ZNF584: variants seen among roughly 807,000 people sequenced by gnomAD.
The protein encoded by ZNF584 is zinc finger protein 584.
ZNF584 carries 12 observed loss-of-function variants against 14.7 expected under a neutral mutation model. The ratio of observed to expected loss-of-function variants is 0.82; its 90% confidence interval spans 0.52 to 1.32. The LOEUF (loss-of-function observed/expected upper bound fraction) is 1.32, where lower values mean the gene tolerates loss of function less well. ZNF584 is among the 40% of genes most tolerant of loss of function. ZNF584 has a pLI of 0.00. For synonymous variants in ZNF584, 204 were observed against 190.9 expected (o/e 1.07, Z -0.57); for missense variants, 478 against 518.8 (o/e 0.92, Z 0.76).
At chr19:58,410,113 C>G in intron 2 of ZNF584, 22 bp downstream of exon 2, 8 of 1,582,124 alleles carry the variant, frequency 5.1e-6, no homozygotes, top group African/African-American at 1.4e-5. Flanking sequence ...ACACTGTCCC[C>G]CAGCACACTG....
At chr19:58,402,357 T>A (rs2052436915) in intron 1 of ZNF584, among the ~76,000 whole-genome samples, 1 of 152,198 alleles carries the variant, frequency 6.6e-6, no homozygotes, top group Non-Finnish European at 1.5e-5. Context: ...ACAAGCTACC[T>A]GTGATCTGTG....
intron 1 of ZNF584, among the ~76,000 whole-genome samples, chr19:58,403,298 A>G (rs1194464427): frequency 1.3e-5 from 2 of 152,226 alleles, no homozygotes; most frequent in Admixed American, 6.5e-5. Context: ...ATAAATGGCT[A>G]ATCTGTGTTA....
At chr19:58,411,107 G>C (rs1391688287) in intron 2 of ZNF584, among the ~76,000 whole-genome samples, 1 of 151,762 alleles carries the variant, frequency 6.6e-6, no homozygotes, top group African/African-American at 2.4e-5. Context: ...TACTTCTTTC[G>C]TTAAATTTAT....
At position 58,417,257 on chromosome 19, in the gene ZNF584, T is replaced by G; in HGVS notation, c.739T>G (p.Cys247Gly). 1 of 1,614,146 alleles carries G rather than the reference T, an allele frequency of 6.2e-7. No individual in the cohort carries two copies. The highest frequency in any genetic ancestry group is 8.5e-7 in the Non-Finnish European group (1 of 1,180,032). The change falls in exon 4 of 4, where the codon TGT (cysteine) becomes GGT (glycine). Residue 247 changes from cysteine to glycine, a missense_variant. Around this residue, in one of 3 missense-constraint regions of ZNF584, gnomAD observed 283 missense variants for 317.3 expected, o/e 0.89. Transcript: ENST00000306910. ...CATAAAACCTTTTAAGTGTAGTGAC[T>G]GTGGTAAAACCTTCAACCGCAAAGA... is the stretch of plus-strand genomic sequence containing the variant. Reference protein sequence around the residue: ...TGIKPFKCSDCGKTFNRKDAL... With the variant: ...TGIKPFKCSDGGKTFNRKDAL...
At chr19:58,404,533 A>C, upstream of ZNF584, 1 of 172,514 alleles carries the variant, frequency 5.8e-6, no homozygotes, top group South Asian at 9.4e-5. Flanking sequence ...CATGTTTCAG[A>C]GAGCACAGGG....
At chr19:58,410,573 GTATATA>G (rs1207335393) in intron 2 of ZNF584, among the ~76,000 whole-genome samples, 270 of 6,426 alleles carry the variant, frequency 0.042, 53 homozygotes, top group African/African-American at 0.17. Context: ...ATATATATAT[GTATATA>G]TATGTATATA....
chr19:58,408,123 T>G (rs1360449835), upstream of ZNF584: 1 of 152,342 alleles, frequency 6.6e-6, no homozygotes, highest in Non-Finnish European at 1.5e-5. Context: ...CTTTGAAGAC[T>G]TGCCTGATGA....
At chr19:58,410,147 C>G in intron 2 of ZNF584, 56 bp downstream of exon 2, 2 of 1,545,994 alleles carry the variant, frequency 1.3e-6, no homozygotes, top group South Asian at 2.5e-5. Flanking sequence ...TTTCCCCATG[C>G]GAAGTTCTGT....
intron 2 of ZNF584, among the ~76,000 whole-genome samples, chr19:58,412,100 G>A (rs866385294): frequency 4.1e-5 from 6 of 144,602 alleles, no homozygotes; most frequent in Non-Finnish European, 7.5e-5. Context: ...TCCTGCCCCC[G>A]CCTCCTGAGT....
At chr19:58,402,226 C>T (rs7246468) in intron 1 of ZNF584, among the ~76,000 whole-genome samples, 3 of 152,000 alleles carry the variant, frequency 2.0e-5, no homozygotes, top group South Asian at 2.1e-4. Flanking sequence ...ACTGGCTCCC[C>T]TGGGGCCCGG....
At position 58,403,549 on chromosome 19, in the gene ZNF584, C is replaced by T. The variant is rs1164785571; in HGVS notation, n.92+1887C>T. ...GGAGGGAGGGAGGAATGAATAGTAG[C>T]ACAAGTAATTTTTGGGGGCAGTAAA... On this transcript the variant is annotated intron_variant and non_coding_transcript_variant, in intron 1 of 3. Transcript: ENST00000594993. Among the ~76,000 whole-genome samples the T allele has an allele frequency of 2.0e-5, 3 of 151,956 alleles. No individual in the cohort carries two copies. The East Asian group carries it at 5.8e-4, about 29-fold the overall frequency.
Position 58,415,625 on chromosome 19 carries a change from G to T in ZNF584, c.271G>T (p.Ala91Ser). Residue 91 changes from alanine (A) to serine (S), a missense_variant, in exon 3 of 4, where the codon GCC (alanine) becomes TCC (serine). Ala to Ser is a moderately conservative substitution (Grantham distance 99). This residue lies in a region of ZNF584 where 189 missense variants were observed against 177.9 expected (regional missense o/e 1.06). Transcript: ENST00000306910. ...TGTGACTCCAGTCAGCAGAGCAGAAGCCAGGAGAGGTTTTGGTCTTGGTAA... is the reference window on the plus strand; with the variant it reads ...TGTGACTCCAGTCAGCAGAGCAGAATCCAGGAGAGGTTTTGGTCTTGGTAA... The part of the protein sequence containing the change: ...VDVTPVSRAE[A>S]RRGFGLDGLC... 6.2e-7 allele frequency: 1 copy of T among 1,614,108 alleles called. No individual in the cohort carries two copies. Among genetic ancestry groups the T allele is most frequent in the Non-Finnish European group, 8.5e-7 (1 of 1,179,970 alleles).
rs140856816 is a variant in ZNF584, at chr19:58,416,465, G to A, written c.293-346G>A. On this transcript the variant is annotated intron_variant, in intron 3 of 3. Transcript: ENST00000306910. ...ACTGCCCAGGCTGGAGTGCAGTGGCGCGATCTCAGCTCACTGCAGCCTCTG... is the reference window on the plus strand; with the variant it reads ...ACTGCCCAGGCTGGAGTGCAGTGGCACGATCTCAGCTCACTGCAGCCTCTG... The A allele has an allele frequency of 6.9e-3, 1,256 of 182,212 alleles. 19 individuals carry two copies. The highest frequency in any genetic ancestry group is 0.022 in the Admixed American group (402 of 17,894). 11.3% of individuals were successfully genotyped at this position (182,212 alleles called of 1,614,324 possible).
upstream of ZNF584, among the ~76,000 whole-genome samples, chr19:58,407,803 C>G (rs1472958156): frequency 3.3e-5 from 5 of 152,200 alleles, no homozygotes; most frequent in African/African-American, 1.2e-4. Flanking sequence ...CCCAGGAGCC[C>G]GGTTATTCTC....
At chr19:58,410,238 T>G in intron 2 of ZNF584, 147 bp downstream of exon 2, 1 of 1,079,818 alleles carries the variant, frequency 9.3e-7, no homozygotes, top group East Asian at 2.8e-5. Flanking sequence ...GACTCGGTGG[T>G]GGGACTCGGC....
chr19:58,409,796 G>T lies in ZNF584; in HGVS notation c.19-145G>T, dbSNP rs559131645. On this transcript the variant is annotated intron_variant, in intron 1 of 3. Coordinates refer to ENST00000306910, the MANE Select transcript of ZNF584 (RefSeq NM_173548.3). ...GAAGGTATAAGGGTATGTGTAGGGA[G>T]TAAGGTGGGGAAGAGTTTAGAGCTC... 11 of 921,334 alleles carry T rather than the reference G, an allele frequency of 1.2e-5. No homozygotes were observed. The East Asian group carries it at 2.7e-4, about 23-fold the overall frequency. The allele number at this position is 921,334 out of a possible 1,614,324, so 57.1% of individuals were successfully genotyped here.
At chr19:58,402,383 G>GA (rs1271684585) in intron 1 of ZNF584, among the ~76,000 whole-genome samples, 4 of 152,226 alleles carry the variant, frequency 2.6e-5, no homozygotes, top group African/African-American at 9.6e-5. Context: ...CCACCAGGGG[G>GA]ATGGGTGCTT....
Position 58,409,090 on chromosome 19 carries a change from G to A in ZNF584, c.-58G>A. ...ACGGCGGCCGAGGGTTTCCGCGCCC[G>A]GGACGCGTTTCGGCTGAGGCCGTGG... On this transcript the variant is annotated 5_prime_UTR_variant, in exon 1 of 4. Transcript: ENST00000306910. The A allele has an allele frequency of 5.5e-6, 8 of 1,460,174 alleles. No individual in the cohort carries two copies. The highest frequency in any genetic ancestry group is 6.4e-6 in the Non-Finnish European group (7 of 1,095,698). 90.5% of individuals were successfully genotyped at this position (1,460,174 alleles called of 1,614,324 possible). A position where few individuals can be genotyped will look rare whatever the true frequency, so the allele number is the denominator to read the frequency against.
intron 2 of ZNF584, among the ~76,000 whole-genome samples, chr19:58,412,047 T>C (rs2052580855): frequency 6.8e-6 from 1 of 147,586 alleles, no homozygotes; most frequent in African/African-American, 2.5e-5. Flanking sequence ...AGTGGCATGA[T>C]CTCGGCTCAT....
Sources: gnomAD v4.1 joint callset for allele counts (sites outside exome capture counted in the v4.1 genomes callset) on GRCh38, gnomAD v4.1.1 for gene constraint, gnomAD v4.1.1 regional missense constraint, MANE v1.5 for transcripts, NCBI Gene and HGNC (gene_info 2026-07-23, HGNC 2026-07-21) for gene names.